The following ACTR3 variants were observed in gnomAD, a reference collection of about 807,000 sequenced individuals.
ACTR3 encodes actin-related protein 3.
In ACTR3, 12 loss-of-function variants were observed where a neutral mutation model predicts 56.8. The observed-to-expected ratio is 0.21, with a 90% CI of 0.14 to 0.34. ACTR3 has a LOEUF of 0.34. Ranked by LOEUF, ACTR3 falls within the 10% of genes least tolerant of loss-of-function variation. The probability of loss-of-function intolerance (pLI) is 1.00; values close to 1 mark genes in which losing one functional copy is unlikely to be tolerated. For synonymous variants in ACTR3, 162 were observed against 167.4 expected (o/e 0.97, Z 0.25); for missense variants, 282 against 512.5 (o/e 0.55, Z 4.34).
At chr2:113,935,902 C>T (rs567444603) in intron 6 of ACTR3, among the ~76,000 whole-genome samples, 2 of 152,254 alleles carry the variant, frequency 1.3e-5, no homozygotes, top group African/African-American at 4.8e-5. Context: ...AGCTGCACAT[C>T]TGAGCAGTAC....
At chr2:113,934,881 C>A (rs1451425530) in intron 6 of ACTR3, among the ~76,000 whole-genome samples, 1 of 152,100 alleles carries the variant, frequency 6.6e-6, no homozygotes, top group African/African-American at 2.4e-5. Flanking sequence ...CTTAATGATA[C>A]ATCAAGTTTT....
At chr2:113,903,829 C>T (rs1679145205) in intron 1 of ACTR3, among the ~76,000 whole-genome samples, 1 of 149,782 alleles carries the variant, frequency 6.7e-6, no homozygotes, top group South Asian at 2.1e-4. Flanking sequence ...TTTTACTACA[C>T]TCTCTTCTCC....
chr2:113,930,503 A>G (rs1679699063), intron 4 of ACTR3, among the ~76,000 whole-genome samples: 1 of 150,836 alleles, frequency 6.6e-6, no homozygotes, highest in African/African-American at 2.5e-5. Context: ...TAAATTTAAA[A>G]ATTTTTCTTT....
chr2:113,913,047 CTA>C (rs1293393313), intron 1 of ACTR3, 123 bp from the exon 2 acceptor site: 8 of 581,988 alleles, frequency 1.4e-5, no homozygotes. Context: ...TGAAGTGAAA[CTA>C]TGGAATTTGG....
chr2:113,892,441 A>G (rs1312654893), intron 1 of ACTR3, among the ~76,000 whole-genome samples: 1 of 152,128 alleles, frequency 6.6e-6, no homozygotes, highest in Admixed American at 6.5e-5. Flanking sequence ...CTCTTTTACC[A>G]TTTGTCACAA....
At chr2:113,935,879 G>C (rs1679815727) in intron 6 of ACTR3, among the ~76,000 whole-genome samples, 1 of 152,112 alleles carries the variant, frequency 6.6e-6, no homozygotes, top group South Asian at 2.1e-4. Context: ...CCTTTCTTCA[G>C]TCTTTTCTTA....
chr2:113,891,116 G>A (rs1678886016), intron 1 of ACTR3, among the ~76,000 whole-genome samples: 2 of 152,124 alleles, frequency 1.3e-5, no homozygotes, highest in South Asian at 2.1e-4. Flanking sequence ...TCCAACCTGA[G>A]CACATCTTAC....
chr2:113,918,910 G>A (rs1295735960), intron 3 of ACTR3, among the ~76,000 whole-genome samples: 2 of 152,206 alleles, frequency 1.3e-5, no homozygotes, highest in African/African-American at 4.8e-5. Flanking sequence ...AGTGACGGCA[G>A]TGGGGATAGA....
At chr2:113,940,621 C>CA (rs1203816831) in intron 7 of ACTR3, among the ~76,000 whole-genome samples, 1 of 152,142 alleles carries the variant, frequency 6.6e-6, no homozygotes, top group African/African-American at 2.4e-5. Context: ...ATCAGTGCTT[C>CA]ATGCAAACTA....
intron 1 of ACTR3, among the ~76,000 whole-genome samples, chr2:113,910,084 G>A (rs1405395398): frequency 6.6e-6 from 1 of 152,122 alleles, no homozygotes; most frequent in Non-Finnish European, 1.5e-5. Context: ...GCAGCCCCTA[G>A]GTAACTTCAA....
At chr2:113,943,091 G>T (rs1345699614) in intron 8 of ACTR3, among the ~76,000 whole-genome samples, 1 of 152,154 alleles carries the variant, frequency 6.6e-6, no homozygotes, top group Non-Finnish European at 1.5e-5. Context: ...TGAGCTCAAA[G>T]AATAAAAGAG....
At chr2:113,956,377 ATTTT>A (rs768293151) in intron 11 of ACTR3, among the ~76,000 whole-genome samples, 7 of 141,930 alleles carry the variant, frequency 4.9e-5, no homozygotes, top group Non-Finnish European at 1.1e-4. Context: ...TTTGAATTTA[ATTTT>A]TTTTTTTTTT....
chr2:113,936,713 A>G (rs553488454), intron 6 of ACTR3, among the ~76,000 whole-genome samples: 1 of 152,214 alleles, frequency 6.6e-6, no homozygotes, highest in Non-Finnish European at 1.5e-5. Context: ...CTGGGTACCT[A>G]AAGAATAATG....
chr2:113,936,325 G>C (rs957695045), intron 6 of ACTR3, among the ~76,000 whole-genome samples: 2 of 130,050 alleles, frequency 1.5e-5, no homozygotes, highest in Admixed American at 7.3e-5. Context: ...AAAAAAAAAA[G>C]GTTGGTGGGG....
At chr2:113,913,123 T>TATAC (rs1679338757) in intron 1 of ACTR3, 49 bp from the exon 2 acceptor site, 2 of 1,255,676 alleles carry the variant, frequency 1.6e-6, no homozygotes, top group African/African-American at 3.1e-5. Context: ...AAGAAATGTA[T>TATAC]AATTGCTAAA....
In ACTR3 at chr2:113,939,859, C is replaced by T. The variant is rs145115003; in HGVS notation, c.541-100C>T. ...AAAGCAGTACTTGAGACTATAAATA[C>T]ACTAACTTAATAAATTGGTCTTTAT... On this transcript the variant is annotated intron_variant, in intron 6 of 11. Coordinates refer to ENST00000263238, the MANE Select transcript of ACTR3 (RefSeq NM_005721.5). 8.5e-3 allele frequency: 9,279 copies of T among 1,094,298 alleles called. 62 individuals carry two copies. The highest frequency in any genetic ancestry group is 0.011 in the Non-Finnish European group (8,127 of 768,060). 67.8% of individuals were successfully genotyped at this position (1,094,298 alleles called of 1,614,324 possible).
At chr2:113,944,985 G>C (rs941635503) in intron 8 of ACTR3, among the ~76,000 whole-genome samples, 7 of 152,122 alleles carry the variant, frequency 4.6e-5, no homozygotes, top group African/African-American at 1.7e-4. Flanking sequence ...AGAGATTAAA[G>C]TATTACAGCA....
At chr2:113,923,852 C>CCAGA (rs1439017855) in intron 3 of ACTR3, among the ~76,000 whole-genome samples, 1 of 151,864 alleles carries the variant, frequency 6.6e-6, no homozygotes, top group African/African-American at 2.4e-5. Flanking sequence ...CAGATCTCTA[C>CCAGA]TTTCAGTTCC....
In ACTR3 at chr2:113,951,583, A is replaced by C. The variant is rs1310229394; in HGVS notation, c.951+12A>C. The C allele has an allele frequency of 6.3e-7, 1 of 1,598,536 alleles. No homozygotes were observed. The highest frequency in any genetic ancestry group is 8.6e-7 in the Non-Finnish European group (1 of 1,167,112). On this transcript the variant is annotated intron_variant, in intron 9 of 11. Transcript: ENST00000263238. Reference sequence around the variant, plus strand: ...GTCCTCTCTACAAGGTATTTATAGCAAAATTGTTATTCAAGGTCTTACTTT... The same window carrying C: ...GTCCTCTCTACAAGGTATTTATAGCCAAATTGTTATTCAAGGTCTTACTTT...
Sources: gnomAD v4.1 joint callset for allele counts (sites outside exome capture counted in the v4.1 genomes callset) on GRCh38, gnomAD v4.1.1 for gene constraint, MANE v1.5 for transcripts, NCBI Gene and HGNC (gene_info 2026-07-23, HGNC 2026-07-21) for gene names.